Variants in VIT observed in about 807,000 individuals in gnomAD.
VIT encodes vitrin.
Under a neutral mutation model 78.0 loss-of-function variants are expected in VIT, and 99 were observed. The ratio of observed to expected loss-of-function variants is 1.27; its 90% CI spans 1.08 to 1.50. The LOEUF (loss-of-function observed/expected upper bound fraction) is 1.50. Ranked by LOEUF, VIT falls within the 40% of genes most tolerant of loss-of-function variation. The pLI is 0.00. For synonymous variants in VIT, 374 were observed against 334.3 expected (o/e 1.12, Z -1.29); for missense variants, 1,126 against 875.3 (o/e 1.29, Z -3.61).
intron 6 of VIT, among the ~76,000 whole-genome samples, chr2:36,760,399 T>C (rs1669042788): frequency 6.6e-6 from 1 of 152,168 alleles, no homozygotes; most frequent in South Asian, 2.1e-4. Flanking sequence ...TTCTCTTAAT[T>C]ACTGCTCCAC....
At chr2:36,764,719 A>G (rs892939664) in intron 6 of VIT, among the ~76,000 whole-genome samples, 1 of 152,164 alleles carries the variant, frequency 6.6e-6, no homozygotes, top group African/African-American at 2.4e-5. Context: ...TGCTGTCTTA[A>G]GTCAGTGCTG....
At chr2:36,790,977 C>A (rs567204225) in intron 12 of VIT, among the ~76,000 whole-genome samples, 1 of 152,278 alleles carries the variant, frequency 6.6e-6, no homozygotes, top group East Asian at 1.9e-4. Flanking sequence ...TCAGCTGCAT[C>A]CCGGACCCAC....
rs1665181121 is a variant in VIT, at chr2:36,703,270, A to C, written c.-19+6297A>C. Among the ~76,000 whole-genome samples, 5 of 152,140 alleles carry C rather than the reference A, an allele frequency of 3.3e-5. No homozygotes were observed. The South Asian group carries it at 1.0e-3, about 31-fold the overall frequency. ...GAGATCAGAGAGCAAAAACTTCTTA[A>C]AGACAAGTTATAGGCATTTTCCCTC... On this transcript the variant is annotated intron_variant, in intron 1 of 15. Coordinates refer to ENST00000379242, the MANE Select transcript of VIT (RefSeq NM_053276.4).
intron 11 of VIT, 130 bp from the exon 12 acceptor site, chr2:36,786,999 A>G: frequency 8.5e-7 from 1 of 1,180,592 alleles, no homozygotes. Context: ...TATACCCTGC[A>G]TCTTCCTACC....
At chr2:36,750,153 A>G (rs975152910) in intron 4 of VIT, among the ~76,000 whole-genome samples, 1 of 152,280 alleles carries the variant, frequency 6.6e-6, no homozygotes, top group African/African-American at 2.4e-5. Context: ...ATGCTATTTC[A>G]TAACTTCAGA....
chr2:36,737,953 ACTGT>A (rs1225334491), intron 3 of VIT, among the ~76,000 whole-genome samples: 12 of 152,232 alleles, frequency 7.9e-5, no homozygotes, highest in African/African-American at 2.2e-4. Flanking sequence ...GAAGGCAGAG[ACTGT>A]CTGTGTTACA....
intron 6 of VIT, among the ~76,000 whole-genome samples, chr2:36,766,026 G>A (rs887808447): frequency 6.6e-6 from 1 of 152,244 alleles, no homozygotes; most frequent in African/African-American, 2.4e-5. Flanking sequence ...CACTTTGGGG[G>A]CCACTGTGTG....
chr2:36,744,409 C>T (rs370141040), intron 4 of VIT, among the ~76,000 whole-genome samples: 1 of 152,192 alleles, frequency 6.6e-6, no homozygotes, highest in Non-Finnish European at 1.5e-5. Flanking sequence ...AACTGCTCTC[C>T]ACATTGGCTG....
chr2:36,753,167 G>A (rs1256226105), intron 4 of VIT, among the ~76,000 whole-genome samples: 1 of 149,832 alleles, frequency 6.7e-6, no homozygotes, highest in African/African-American at 2.5e-5. Flanking sequence ...AGAACACACG[G>A]AAACATGAGT....
chr2:36,779,270 A>T (rs888056), intron 9 of VIT, among the ~76,000 whole-genome samples: 1 of 152,134 alleles, frequency 6.6e-6, no homozygotes, highest in African/African-American at 2.4e-5. Context: ...CTGTTCTGCC[A>T]CTCCCTGTGC....
intron 2 of VIT, among the ~76,000 whole-genome samples, chr2:36,723,467 T>C (rs1666639363): frequency 6.6e-6 from 1 of 152,212 alleles, no homozygotes; most frequent in Non-Finnish European, 1.5e-5. Context: ...CCTGCCAGGA[T>C]TAAATATAAT....
chr2:36,703,599 G>A (rs540614749), intron 1 of VIT, among the ~76,000 whole-genome samples: 2 of 152,304 alleles, frequency 1.3e-5, no homozygotes, highest in South Asian at 2.1e-4. Context: ...TAACGTTTGC[G>A]TGTGAGACAG....
At chr2:36,708,739 C>A (rs969252359) in intron 1 of VIT, among the ~76,000 whole-genome samples, 1 of 152,130 alleles carries the variant, frequency 6.6e-6, no homozygotes, top group African/African-American at 2.4e-5. Flanking sequence ...AAATTTGAGC[C>A]CCTCCCAGTC....
In VIT at chr2:36,801,269, G is replaced by A. The variant is rs1306835331; in HGVS notation, c.1059-32G>A. On this transcript the variant is annotated intron_variant, in intron 12 of 15. Transcript: ENST00000379242. ...TTCCTCCAAAGGTATTAACTTTGCA[G>A]CTAATTTGTATTTCTTGTTCTGACT... 2.5e-6 allele frequency: 4 copies of A among 1,570,748 alleles called. No individual in the cohort carries two copies. In the East Asian group the frequency reaches 6.7e-5, roughly 26 times the overall value.
chr2:36,732,878 T>C (rs755301267), intron 3 of VIT, among the ~76,000 whole-genome samples: 4 of 152,016 alleles, frequency 2.6e-5, no homozygotes, highest in Non-Finnish European at 5.9e-5. Flanking sequence ...CAAATAGGGA[T>C]TGGCCAGGCA....
At chr2:36,784,026 G>C (rs1415671124) in intron 11 of VIT, among the ~76,000 whole-genome samples, 1 of 152,168 alleles carries the variant, frequency 6.6e-6, no homozygotes, top group African/African-American at 2.4e-5. Context: ...GTTCGAAACC[G>C]AGGCTATGAG....
chr2:36,721,903 A>C (rs1666537944), intron 2 of VIT, among the ~76,000 whole-genome samples: 1 of 152,118 alleles, frequency 6.6e-6, no homozygotes. Flanking sequence ...CAAGATATTG[A>C]CCTTGTCATT....
At chr2:36,800,301 C>T (rs1318928216) in intron 12 of VIT, among the ~76,000 whole-genome samples, 2 of 151,888 alleles carry the variant, frequency 1.3e-5, no homozygotes, top group African/African-American at 2.4e-5. Flanking sequence ...GCTGAGATCG[C>T]GCCACTGCAC....
chr2:36,743,203 T>C lies in VIT; in HGVS notation c.222T>C (p.Tyr74=), dbSNP rs759055318. Residue 74 remains tyrosine (Y), a synonymous_variant, in exon 4 of 16, where the codon TAT becomes TAC. Coordinates refer to ENST00000379242, the MANE Select transcript of VIT (RefSeq NM_053276.4). Reference sequence around the variant, plus strand: ...GCCAAGACCCCAAATACCATGTTTATGGCACTGACGTGTATGCATCCTACT... The same window carrying C: ...GCCAAGACCCCAAATACCATGTTTACGGCACTGACGTGTATGCATCCTACT... ...AGCQDPKYHV[Y]GTDVYASYSS... 87 of 1,613,982 alleles carry C rather than the reference T, an allele frequency of 5.4e-5. No homozygotes were observed. The highest frequency in any genetic ancestry group is 4.9e-4 in the Middle Eastern group (3 of 6,084).
Sources: gnomAD v4.1 joint callset for allele counts (sites outside exome capture counted in the v4.1 genomes callset) on GRCh38, gnomAD v4.1.1 for gene constraint, MANE v1.5 for transcripts, NCBI Gene and HGNC (gene_info 2026-07-23, HGNC 2026-07-21) for gene names.